H6PD: variants seen among roughly 807,000 people sequenced by gnomAD.
The protein encoded by H6PD is hexose-6-phosphate dehydrogenase/glucose 1-dehydrogenase.
Under a neutral mutation model 61.2 loss-of-function variants are expected in H6PD, and 48 were observed. That is an observed-to-expected ratio of 0.78 (90% confidence interval 0.62 to 1.00). The LOEUF (loss-of-function observed/expected upper bound fraction) is 1.00. Ranked by LOEUF, H6PD falls within the 50% of genes least tolerant of loss-of-function variation. H6PD has a pLI of 0.00. For missense variants in H6PD, 1,093 were observed against 1,065.0 expected (o/e 1.03, Z -0.37); for synonymous variants, 480 against 457.9 (o/e 1.05, Z -0.62).
Position 9,265,038 on chromosome 1 carries a change from C to A in H6PD, c.*169C>A. ...CAAGCCTTGTCCCGATGCCTTTGACCGGCAGCTCTGTGTATTGGTGGATAG... is the reference window on the plus strand; with the variant it reads ...CAAGCCTTGTCCCGATGCCTTTGACAGGCAGCTCTGTGTATTGGTGGATAG... On this transcript the variant is annotated 3_prime_UTR_variant, in exon 5 of 5. Coordinates refer to ENST00000377403, the MANE Select transcript of H6PD (RefSeq NM_004285.4). The A allele has an allele frequency of 1.4e-6, 1 of 719,020 alleles. No individual in the cohort carries two copies. Among genetic ancestry groups the A allele is most frequent in the Non-Finnish European group, 2.4e-6 (1 of 409,466 alleles). 44.5% of individuals were successfully genotyped at this position (719,020 alleles called of 1,614,324 possible). A position where few individuals can be genotyped will look rare whatever the true frequency, so the allele number is the denominator to read the frequency against.
At chr1:9,235,488 C>T (rs1040489485) in intron 1 of H6PD, among the ~76,000 whole-genome samples, 3 of 152,174 alleles carry the variant, frequency 2.0e-5, no homozygotes, top group African/African-American at 7.2e-5. Context: ...AAGAAGTGTC[C>T]TTGCCCACTC....
intron 4 of H6PD, 117 bp from the exon 5 acceptor site, chr1:9,263,392 C>T (rs1402556704): frequency 2.2e-5 from 20 of 906,472 alleles, no homozygotes; most frequent in South Asian, 5.6e-5. Flanking sequence ...CATGGCAAGG[C>T]GAGGGGCTTC....
Position 9,265,259 on chromosome 1 carries a change from G to A in H6PD, c.*390G>A. 2.7e-6 allele frequency: 1 copy of A among 366,346 alleles called. No homozygotes were observed. The highest frequency in any genetic ancestry group is 5.3e-6 in the Non-Finnish European group (1 of 189,560). 22.7% of individuals were successfully genotyped at this position (366,346 alleles called of 1,614,324 possible). A position where few individuals can be genotyped will look rare whatever the true frequency, so the allele number is the denominator to read the frequency against. On this transcript the variant is annotated 3_prime_UTR_variant, in exon 5 of 5. Coordinates refer to ENST00000377403, the MANE Select transcript of H6PD (RefSeq NM_004285.4). ...GAGGTTAATCAGGGAAGGTTTCCTGGGGGAGGTGATCCTTGAACTGGCTCC... is the reference window on the plus strand; with the variant it reads ...GAGGTTAATCAGGGAAGGTTTCCTGAGGGAGGTGATCCTTGAACTGGCTCC...
Position 9,266,855 on chromosome 1 carries a change from C to T in H6PD, c.*1986C>T, listed in dbSNP as rs546072887. 1.3e-5 allele frequency: 2 copies of T among 151,126 alleles called. No homozygotes were observed. The highest frequency in any genetic ancestry group is 1.5e-5 in the Non-Finnish European group (1 of 67,956). 9.4% of individuals were successfully genotyped at this position (151,126 alleles called of 1,614,324 possible). ...TTTTTTTTTTTTTGAGACAGAGTCT[C>T]TGTCGCCCAGGCTGGAGCCCAGTGG... On this transcript the variant is annotated 3_prime_UTR_variant, in exon 5 of 5. Coordinates refer to ENST00000377403, the MANE Select transcript of H6PD (RefSeq NM_004285.4).
chr1:9,254,657 C>T lies in H6PD; in HGVS notation c.746-7402C>T, dbSNP rs1641461769. ...CTTCATCTTCCTGAAGTACCTCTTT[C>T]GTGCTTCTGCTTCCCTGTTCTAAAA... On this transcript the variant is annotated intron_variant, in intron 3 of 4. Transcript: ENST00000377403. This position sits in a 1 kb window ranked among gnomAD's most constrained non-coding sequence, Gnocchi z 4.6. Among the ~76,000 whole-genome samples the T allele has an allele frequency of 1.3e-5, 2 of 152,178 alleles. No homozygotes were observed. The highest frequency in any genetic ancestry group is 2.9e-5 in the Non-Finnish European group (2 of 68,026).
At position 9,245,996 on chromosome 1, in the gene H6PD, G is replaced by A. The variant is rs1343425749; in HGVS notation, c.627+435G>A. Among the ~76,000 whole-genome samples the A allele has an allele frequency of 6.6e-6, 1 of 151,418 alleles. No individual in the cohort carries two copies. The highest frequency in any genetic ancestry group is 6.6e-5 in the Admixed American group (1 of 15,182). On this transcript the variant is annotated intron_variant, in intron 2 of 4. Coordinates refer to ENST00000377403, the MANE Select transcript of H6PD (RefSeq NM_004285.4). The surrounding 1 kb of genome is among the most constrained non-coding windows in gnomAD (Gnocchi z 4.8). ...GTCTGCTCTGTCACCAGGCTGGAGT[G>A]CAGTGGCATGATCTCGGCTCACTGC...
At chr1:9,243,001 C>CAGGGAGAG in intron 1 of H6PD, 1 of 982,304 alleles carries the variant, frequency 1.0e-6, no homozygotes, top group Non-Finnish European at 1.2e-6. Context: ...AGGGCAGATA[C>CAGGGAGAG]AGGGAGAGTG....
At chr1:9,252,299 C>T (rs1194976469) in intron 3 of H6PD, among the ~76,000 whole-genome samples, 1 of 152,226 alleles carries the variant, frequency 6.6e-6, no homozygotes, top group Non-Finnish European at 1.5e-5. Flanking sequence ...GTCTGCACAA[C>T]ATATACCTTT....
At chr1:9,256,432 C>T (rs906208318) in intron 3 of H6PD, among the ~76,000 whole-genome samples, 30 of 152,276 alleles carry the variant, frequency 2.0e-4, no homozygotes, top group Non-Finnish European at 4.3e-4. Context: ...TCATTTCTTG[C>T]CCCCCAACAC....
chr1:9,260,593 G>C (rs796974233), intron 3 of H6PD, among the ~76,000 whole-genome samples: 32 of 152,154 alleles, frequency 2.1e-4, no homozygotes, highest in African/African-American at 7.7e-4. Context: ...CACTGGTGTT[G>C]CACTGCTGTT....
Position 9,245,598 on chromosome 1 carries a change from AGCTGGGC to A in H6PD, c.627+43_627+49del. On this transcript the variant is annotated intron_variant, in intron 2 of 4. Transcript: ENST00000377403. This position sits in a 1 kb window ranked among gnomAD's most constrained non-coding sequence, Gnocchi z 4.8. Reference sequence around the variant, plus strand: ...CATGGAGCCTGCCAGGGCTAGGGTGAGCTGGGCGCTGGTAGACCCCAGCAACAAAGCC... The same window carrying A: ...CATGGAGCCTGCCAGGGCTAGGGTGAGCTGGTAGACCCCAGCAACAAAGCC... 6.2e-7 allele frequency: 1 copy of A among 1,607,000 alleles called. No homozygotes were observed. The highest frequency in any genetic ancestry group is 8.5e-7 in the Non-Finnish European group (1 of 1,173,794).
intron 3 of H6PD, among the ~76,000 whole-genome samples, chr1:9,255,776 C>G (rs1487089191): frequency 6.6e-6 from 1 of 152,214 alleles, no homozygotes; most frequent in Non-Finnish European, 1.5e-5. Context: ...ACCAGCCTTA[C>G]TCCATCCTTT....
intron 1 of H6PD, among the ~76,000 whole-genome samples, chr1:9,242,219 G>C (rs1262149276): frequency 2.0e-5 from 3 of 152,072 alleles, no homozygotes; most frequent in Non-Finnish European, 4.4e-5. Context: ...CTCAAAGTGT[G>C]CTCTTGGACC....
At position 9,265,331 on chromosome 1, in the gene H6PD, G is replaced by A. The variant is rs141290132; in HGVS notation, c.*462G>A. 9.6e-4 allele frequency: 306 copies of A among 317,776 alleles called. 2 individuals carry two copies. Among genetic ancestry groups the A allele is most frequent in the African/African-American group, 6.0e-3 (277 of 46,372 alleles). The allele number at this position is 317,776 out of a possible 1,614,324, so 19.7% of individuals were successfully genotyped here. On this transcript the variant is annotated 3_prime_UTR_variant, in exon 5 of 5. Transcript: ENST00000377403. The stretch of plus-strand genomic sequence containing the variant: ...TTGGTAGACAGAAGGGTGCAGAGGC[G>A]CCCAGGGGAGTACATTGCCCCGTGC...
chr1:9,262,019 CTCTT>C, intron 3 of H6PD, 36 bp from the exon 4 acceptor site: 1 of 1,610,050 alleles, frequency 6.2e-7, no homozygotes, highest in Non-Finnish European at 8.5e-7. Context: ...GTTCTGGCCT[CTCTT>C]TAGATCCTCC....
At position 9,245,796 on chromosome 1, in the gene H6PD, C is replaced by CT. The variant is rs942834419; in HGVS notation, c.627+235_627+236insT. 6.6e-6 allele frequency among the ~76,000 whole-genome samples: 1 copy of CT among 152,118 alleles called. No individual in the cohort carries two copies. The highest frequency in any genetic ancestry group is 1.5e-5 in the Non-Finnish European group (1 of 68,022). On this transcript the variant is annotated intron_variant, in intron 2 of 4. Transcript: ENST00000377403. The surrounding 1 kb of genome is among the most constrained non-coding windows in gnomAD (Gnocchi z 4.8). The stretch of plus-strand genomic sequence containing the variant: ...CCTCTTTTGTCCTTTGCAAAGCCCC[C>CT]GTTCTCGTTGTTTCCCAGTCTGGGC...
rs759007268 is a variant in H6PD, at chr1:9,264,320, C to A, written c.1827C>A (p.Phe609Leu). The A allele has an allele frequency of 6.2e-7, 1 of 1,611,422 alleles. No individual in the cohort carries two copies. The highest frequency in any genetic ancestry group is 8.5e-7 in the Non-Finnish European group (1 of 1,179,706). ...AGCTGGCCACGGCGCACTATGGCTTCCCCTGGGCCCACACGCACCTGTGGC... is the reference window on the plus strand; with the variant it reads ...AGCTGGCCACGGCGCACTATGGCTTACCCTGGGCCCACACGCACCTGTGGC... ...FQQLATAHYG[F>L]PWAHTHLWLV... The change falls in exon 5 of 5, where the codon TTC becomes TTA. Residue 609 changes from phenylalanine to leucine, a missense_variant. Physicochemically the swap from Phe to Leu is conservative, Grantham distance 22. Transcript: ENST00000377403.
Position 9,263,540 on chromosome 1 carries a change from G to T in H6PD, c.1047G>T (p.Trp349Cys). 6.2e-7 allele frequency: 1 copy of T among 1,614,200 alleles called. No individual in the cohort carries two copies. Among genetic ancestry groups the T allele is most frequent in the Non-Finnish European group, 8.5e-7 (1 of 1,180,004 alleles). Reference sequence around the variant, plus strand: ...TAGTGCACATTGACAACCTTCGCTGGGAGGGCGTGCCTTTCATCCTGATGT... The same window carrying T: ...TAGTGCACATTGACAACCTTCGCTGTGAGGGCGTGCCTTTCATCCTGATGT... ...AVLVHIDNLRWEGVPFILMSG... is the reference protein window; with the variant it reads ...AVLVHIDNLRCEGVPFILMSG... Residue 349 changes from tryptophan to cysteine, a missense_variant, in exon 5 of 5, where the codon TGG becomes TGT. By Grantham distance (215) the Trp-to-Cys change is radical (BLOSUM62 -2). Coordinates refer to ENST00000377403, the MANE Select transcript of H6PD (RefSeq NM_004285.4).
chr1:9,257,950 G>A (rs1466175428), intron 3 of H6PD, among the ~76,000 whole-genome samples: 4 of 152,364 alleles, frequency 2.6e-5, no homozygotes, highest in South Asian at 4.1e-4. Context: ...TCGAGTCACC[G>A]ATAATCAGTG....
Sources: gnomAD v4.1 joint callset for allele counts (sites outside exome capture counted in the v4.1 genomes callset) on GRCh38, gnomAD v4.1.1 for gene constraint, Gnocchi (gnomAD v3.1) non-coding constraint, MANE v1.5 for transcripts, NCBI Gene and HGNC (gene_info 2026-07-23, HGNC 2026-07-21) for gene names.